The following ABCA10 variants were observed in gnomAD, a reference collection of about 807,000 sequenced individuals.
ABCA10 encodes the protein ATP-binding cassette sub-family A member 10.
ABCA10 carries 169 observed loss-of-function variants against 187.5 expected under a neutral mutation model. The observed-to-expected ratio is 0.90, with a 90% confidence interval of 0.80 to 1.02. The LOEUF is 1.02. ABCA10 is among the 50% of genes least tolerant of loss of function. The pLI, the probability that ABCA10 is intolerant of heterozygous loss-of-function variation, is 0.00. For synonymous variants in ABCA10, 574 were observed against 601.8 expected (o/e 0.95, Z 0.68); for missense variants, 1,727 against 1,812.4 (o/e 0.95, Z 0.86).
At chr17:69,167,243 T>C (rs1395548735) in intron 25 of ABCA10, among the ~76,000 whole-genome samples, 4 of 152,078 alleles carry the variant, frequency 2.6e-5, no homozygotes, top group African/African-American at 4.8e-5. Context: ...ACATCTCTAA[T>C]CCAACCTCTA....
chr17:69,174,169 C>CA (rs1377069134), intron 25 of ABCA10, 112 bp downstream of exon 25: 2 of 683,542 alleles, frequency 2.9e-6, no homozygotes, highest in East Asian at 6.4e-5. Flanking sequence ...AAAAGAAAAA[C>CA]AAACAAAAAA....
intron 25 of ABCA10, among the ~76,000 whole-genome samples, chr17:69,169,474 T>C (rs894705856): frequency 5.3e-5 from 8 of 152,126 alleles, no homozygotes; most frequent in Admixed American, 4.6e-4. Flanking sequence ...TTCAATGCAA[T>C]CCCAATTAAT....
Position 69,193,506 on chromosome 17 carries a change from A to G in ABCA10, c.1628T>C (p.Leu543Ser), listed in dbSNP as rs1192805429. 1.2e-6 allele frequency: 2 copies of G among 1,613,064 alleles called. No individual in the cohort carries two copies. Among genetic ancestry groups the G allele is most frequent in the East Asian group, 2.2e-5 (1 of 44,832 alleles). ...TTTTTCTCTCACCTGAGGATCTCCT[A>G]AGATGGCAATCCCTAGTGTTAGTTT... ...KRKLTLGIAILGDPQVLLLDE... is the reference protein window; with the variant it reads ...KRKLTLGIAISGDPQVLLLDE... Residue 543 changes from leucine (L) to serine (S), a missense_variant, in exon 14 of 39, where the codon TTA becomes TCA. Leu to Ser is a moderately radical substitution (Grantham distance 145). Coordinates refer to ENST00000690296, the MANE Select transcript of ABCA10 (RefSeq NM_001377321.1).
chr17:69,216,320 A>G lies in ABCA10; in HGVS notation c.569T>C (p.Ile190Thr). Residue 190 changes from isoleucine (I) to threonine (T), a missense_variant, in exon 7 of 39, where the codon ATT (isoleucine) becomes ACT (threonine). By Grantham distance (89) the Ile-to-Thr change is moderately conservative. Transcript: ENST00000690296. ...GACCAGAGCCATAAAAATGGACATAATGAAGATGAAGCAAATGTATGTCAA... is the reference window on the plus strand; with the variant it reads ...GACCAGAGCCATAAAAATGGACATAGTGAAGATGAAGCAAATGTATGTCAA... ...WGLTYICFIFIMSIFMALVIT... is the reference protein window; with the variant it reads ...WGLTYICFIFTMSIFMALVIT... 1 of 1,613,400 alleles carries G rather than the reference A, an allele frequency of 6.2e-7. No individual in the cohort carries two copies. The highest frequency in any genetic ancestry group is 2.2e-5 in the East Asian group (1 of 44,792).
chr17:69,216,333 A>T lies in ABCA10; in HGVS notation c.556T>A (p.Cys186Ser). The part of the protein sequence containing the change: ...FWLSWGLTYI[C>S]FIFIMSIFMA... ...AAAATGGACATAATGAAGATGAAGC[A>T]AATGTATGTCAATCCCCAGGAGAGC... The change falls in exon 7 of 39, where the codon TGC becomes AGC. Residue 186 changes from cysteine (C) to serine (S), a missense_variant. Cys to Ser is a moderately radical substitution (Grantham distance 112, BLOSUM62 -1). Transcript: ENST00000690296. 6.2e-7 allele frequency: 1 copy of T among 1,613,020 alleles called. No individual in the cohort carries two copies.
At position 69,152,058 on chromosome 17, in the gene ABCA10, G is replaced by A. The variant is rs1859884608; in HGVS notation, c.4382C>T (p.Ala1461Val). The A allele has an allele frequency of 6.2e-7, 1 of 1,610,378 alleles. No homozygotes were observed. Among genetic ancestry groups the A allele is most frequent in the Non-Finnish European group, 8.5e-7 (1 of 1,179,178 alleles). ...CATCCTTTACCTTTCCTGCCAAGCA[G>A]CCTGTGGGAAAAGCTTCAAAATCTC... ...HTEILKLFPQ[A>V]AWQERYSSLM... Residue 1461 changes from alanine (A) to valine (V), a missense_variant, in exon 36 of 39, where the codon GCT becomes GTT. Coordinates refer to ENST00000690296, the MANE Select transcript of ABCA10 (RefSeq NM_001377321.1).
chr17:69,235,478 A>G (rs183616310), intron 1 of ABCA10, among the ~76,000 whole-genome samples: 387 of 152,236 alleles, frequency 2.5e-3, no homozygotes, highest in African/African-American at 8.8e-3. Context: ...CCATTTCTCA[A>G]ATGAACTAGC....
chr17:69,221,738 TA>T, intron 5 of ABCA10, 53 bp downstream of exon 5: 4 of 1,476,314 alleles, frequency 2.7e-6, no homozygotes, highest in Non-Finnish European at 3.7e-6. Context: ...GGCAGATATT[TA>T]AAAAGAGGGA....
At chr17:69,168,159 T>C (rs1422823996) in intron 25 of ABCA10, among the ~76,000 whole-genome samples, 1 of 152,076 alleles carries the variant, frequency 6.6e-6, no homozygotes, top group Non-Finnish European at 1.5e-5. Flanking sequence ...CAGTATATAA[T>C]ATATATATAC....
chr17:69,193,802 G>T lies in ABCA10; in HGVS notation c.1521+12C>A. ...TATTTCCAAAGCCATCAATCTTAAT[G>T]TGTTCCTGTACCTCTTGTTCCACTT... On this transcript the variant is annotated intron_variant, in intron 13 of 38. Transcript: ENST00000690296. The T allele has an allele frequency of 1.2e-6, 2 of 1,607,756 alleles. No homozygotes were observed. Among genetic ancestry groups the T allele is most frequent in the South Asian group, 1.1e-5 (1 of 89,058 alleles).
In ABCA10 at chr17:69,219,540, C is replaced by T. The variant is rs1481772682; in HGVS notation, c.530+5G>A. ...GATATACAGTAAAGTAGCAACTTAA[C>T]TTACCAGAATGCTGACTCTCGGAGA... On this transcript the variant is annotated splice_donor_5th_base_variant and intron_variant, in intron 6 of 38. Coordinates refer to ENST00000690296, the MANE Select transcript of ABCA10 (RefSeq NM_001377321.1). 6.5e-6 allele frequency: 10 copies of T among 1,547,348 alleles called. No homozygotes were observed. Among genetic ancestry groups the T allele is most frequent in the Admixed American group, 2.0e-5 (1 of 50,258 alleles).
chr17:69,193,250 T>C lies in ABCA10; in HGVS notation c.1642-2A>G. ...AGTTGGTTCATCTAGCAGCAAAACC[T>C]ACAGAGGAGGAAACGTATGAAAGCA... On this transcript the variant is annotated splice_acceptor_variant, in intron 14 of 38. Coordinates refer to ENST00000690296, the MANE Select transcript of ABCA10 (RefSeq NM_001377321.1). LOFTEE classifies it high-confidence loss of function. The C allele has an allele frequency of 1.2e-6, 2 of 1,610,646 alleles. No individual in the cohort carries two copies. Among genetic ancestry groups the C allele is most frequent in the Non-Finnish European group, 1.7e-6 (2 of 1,179,098 alleles).
intron 34 of ABCA10, 47 bp downstream of exon 34, chr17:69,153,258 C>A (rs773220832): frequency 6.4e-7 from 1 of 1,558,004 alleles, no homozygotes; most frequent in Non-Finnish European, 8.6e-7. Flanking sequence ...ACAAAATATC[C>A]TAGAGGTATT....
rs55943852 is a variant in ABCA10 at position 69,193,455 on chromosome 17, A to G, written c.1641+38T>C. 640 of 1,586,882 alleles carry G rather than the reference A, an allele frequency of 4.0e-4. 1 individual carries two copies. In the African/African-American group the frequency reaches 5.9e-3, roughly 15 times the overall value. ...CTTTAATAATAGTTGTATATCCTTC[A>G]ATCTAAATTAATTGTAAAAATATAT... is the stretch of plus-strand genomic sequence containing the variant. On this transcript the variant is annotated intron_variant, in intron 14 of 38. Coordinates refer to ENST00000690296, the MANE Select transcript of ABCA10 (RefSeq NM_001377321.1).
At chr17:69,177,973 A>ATAT (rs68149070) in intron 22 of ABCA10, among the ~76,000 whole-genome samples, 60 of 49,988 alleles carry the variant, frequency 1.2e-3, no homozygotes, top group African/African-American at 3.1e-3. Flanking sequence ...AAAAAAAAAA[A>ATAT]ATATATATAT....
intron 1 of ABCA10, among the ~76,000 whole-genome samples, chr17:69,236,372 T>C (rs1421212693): frequency 2.0e-5 from 3 of 152,200 alleles, no homozygotes; most frequent in African/African-American, 7.2e-5. Flanking sequence ...GTTCACATAA[T>C]ATTCAAAGAC....
At chr17:69,179,616 G>A (rs1364245693) in intron 22 of ABCA10, among the ~76,000 whole-genome samples, 1 of 116,370 alleles carries the variant, frequency 8.6e-6, no homozygotes, top group East Asian at 2.1e-4. Context: ...GAAGGAAGAA[G>A]CAGAACAGTC....
chr17:69,231,237 G>A (rs1011500462), upstream of ABCA10, among the ~76,000 whole-genome samples: 4 of 152,024 alleles, frequency 2.6e-5, no homozygotes, highest in Non-Finnish European at 4.4e-5. Context: ...TTGTCATTAC[G>A]TGGCATTCTC....
chr17:69,176,943 T>A (rs890275861), intron 22 of ABCA10, among the ~76,000 whole-genome samples: 7 of 152,110 alleles, frequency 4.6e-5, no homozygotes, highest in Non-Finnish European at 5.9e-5. Flanking sequence ...CTCCTTTATA[T>A]CCTGCACTCT....
Sources: allele counts gnomAD v4.1 joint callset (sites outside exome capture counted in the v4.1 genomes callset), GRCh38; gene constraint gnomAD v4.1.1; transcripts MANE v1.5; gene names NCBI Gene and HGNC (gene_info 2026-07-23, HGNC 2026-07-21).